The following APOBEC3G variants were observed in gnomAD, a reference collection of about 807,000 sequenced individuals.
The protein encoded by APOBEC3G is apolipoprotein B mRNA editing enzyme catalytic subunit 3G.
A neutral mutation model predicts 50.0 loss-of-function variants in APOBEC3G; 44 were observed. That is an observed-to-expected ratio of 0.88 (90% confidence interval 0.69 to 1.13). The LOEUF (loss-of-function observed/expected upper bound fraction) is 1.13, where lower values mean the gene tolerates loss of function less well. APOBEC3G is among the 50% of genes most tolerant of loss of function. The pLI is 0.00. For synonymous variants in APOBEC3G, 156 were observed against 175.3 expected (o/e 0.89, Z 0.87); for missense variants, 469 against 492.0 (o/e 0.95, Z 0.44).
rs111352972 is a variant in APOBEC3G, at chr22:39,080,106, C to G, written c.172-827C>G. On this transcript the variant is annotated intron_variant, in intron 2 of 7. Coordinates refer to ENST00000407997, the MANE Select transcript of APOBEC3G (RefSeq NM_021822.4). The stretch of plus-strand genomic sequence containing the variant: ...GTGCCCAGGTCTCTAATCAGAGCCC[C>G]ATTTCAAGTACTCAGTAGTCCCTTG... 5.1e-4 allele frequency: 108 copies of G among 213,502 alleles called. 1 individual carries two copies. The highest frequency in any genetic ancestry group is 2.2e-3 in the African/African-American group (94 of 42,348). 13.2% of individuals were successfully genotyped at this position (213,502 alleles called of 1,614,324 possible).
At chr22:39,084,767 G>T (rs1460719940) in intron 5 of APOBEC3G, among the ~76,000 whole-genome samples, 3 of 152,206 alleles carry the variant, frequency 2.0e-5, no homozygotes, top group African/African-American at 7.2e-5. Flanking sequence ...GCCAGAACAG[G>T]CCCCAAGTCA....
chr22:39,086,144 G>C, intron 5 of APOBEC3G, 135 bp from the exon 6 acceptor site: 1 of 1,030,948 alleles, frequency 9.7e-7, no homozygotes, highest in Non-Finnish European at 1.4e-6. Flanking sequence ...TTTTCTACTA[G>C]AAATACAAAA....
At chr22:39,079,502 T>C (rs926269308) in intron 2 of APOBEC3G, 1 of 168,500 alleles carries the variant, frequency 5.9e-6, no homozygotes, top group Non-Finnish European at 1.3e-5. Context: ...TTTGTATTTT[T>C]AGTACAGATG....
At chr22:39,087,323 A>T in intron 7 of APOBEC3G, 84 bp from the exon 8 acceptor site, 1 of 1,605,434 alleles carries the variant, frequency 6.2e-7, no homozygotes, top group Non-Finnish European at 8.5e-7. Context: ...CTCTCCGATC[A>T]TTGTCACTGT....
rs924919246 is a variant in APOBEC3G at position 39,086,668 on chromosome 22, G to A, written c.1024+101G>A. 8.2e-6 allele frequency: 12 copies of A among 1,458,334 alleles called. No individual in the cohort carries two copies. In the African/African-American group the frequency reaches 1.1e-4, roughly 14 times the overall value. The allele number at this position is 1,458,334 out of a possible 1,614,324, so 90.3% of individuals were successfully genotyped here. ...GAGGGTCGGCATCCCTGTGGGAAAGGCCTTGATCCTCTGCCTGCAGAGGCG... is the reference window on the plus strand; with the variant it reads ...GAGGGTCGGCATCCCTGTGGGAAAGACCTTGATCCTCTGCCTGCAGAGGCG... On this transcript the variant is annotated intron_variant, in intron 6 of 7. Transcript: ENST00000407997.
chr22:39,078,636 G>C, intron 1 of APOBEC3G: 1 of 340,724 alleles, frequency 2.9e-6, no homozygotes, highest in Non-Finnish European at 5.3e-6. Flanking sequence ...ATAATATACA[G>C]AGGTGAAATG....
chr22:39,081,361 T>C (rs915073619), intron 3 of APOBEC3G, 110 bp from the exon 4 acceptor site: 1 of 1,534,330 alleles, frequency 6.5e-7, no homozygotes, highest in Non-Finnish European at 8.9e-7. Context: ...TGGGGTTGGG[T>C]CTGGCGCTGA....
At chr22:39,083,612 G>A (rs17496032) in intron 4 of APOBEC3G, 119 bp from the exon 5 acceptor site, 27,924 of 1,228,506 alleles carry the variant, frequency 0.023, 414 homozygotes, top group Non-Finnish European at 0.028. Flanking sequence ...GCTAAGGGAT[G>A]TGGGGAGCCG....
intron 5 of APOBEC3G, among the ~76,000 whole-genome samples, chr22:39,085,719 T>C (rs1477439621): frequency 6.6e-6 from 1 of 151,596 alleles, no homozygotes; most frequent in African/African-American, 2.4e-5. Context: ...AAACCCCGTC[T>C]CTACTGAAAA....
chr22:39,080,728 C>T, intron 2 of APOBEC3G: 5 of 581,076 alleles, frequency 8.6e-6, no homozygotes, highest in Non-Finnish European at 1.5e-5. Context: ...TAGGTGCCAC[C>T]TCTTAAGGCC....
rs1282702759 is a variant in APOBEC3G at position 39,080,923 on chromosome 22, C to T, written c.172-10C>T. 6.2e-7 allele frequency: 1 copy of T among 1,602,606 alleles called. No individual in the cohort carries two copies. The highest frequency in any genetic ancestry group is 8.5e-7 in the Non-Finnish European group (1 of 1,172,950). On this transcript the variant is annotated splice_polypyrimidine_tract_variant and intron_variant, in intron 2 of 7. Coordinates refer to ENST00000407997, the MANE Select transcript of APOBEC3G (RefSeq NM_021822.4). Reference sequence around the variant, plus strand: ...TCTCAGAGCTTGCCCTGACCCTGCTCCTCTCCCAGGTGTATTCCGAACTTA... The same window carrying T: ...TCTCAGAGCTTGCCCTGACCCTGCTTCTCTCCCAGGTGTATTCCGAACTTA...
At position 39,077,351 on chromosome 22, in the gene APOBEC3G, G is replaced by A; in HGVS notation, c.-11G>A. The A allele has an allele frequency of 6.3e-7, 1 of 1,577,094 alleles. No individual in the cohort carries two copies. Among genetic ancestry groups the A allele is most frequent in the South Asian group, 1.2e-5 (1 of 86,240 alleles). The stretch of plus-strand genomic sequence containing the variant: ...CAGACAAAGATCTTAGTCGGGACTA[G>A]CCGGCCAAGGATGAAGCCTCACTTC... On this transcript the variant is annotated 5_prime_UTR_variant, in exon 1 of 8. Coordinates refer to ENST00000407997, the MANE Select transcript of APOBEC3G (RefSeq NM_021822.4).
rs866803634 is a variant in APOBEC3G, at chr22:39,079,442, C to A, written c.171+357C>A. 3 of 189,074 alleles carry A rather than the reference C, an allele frequency of 1.6e-5. No homozygotes were observed. In the South Asian group the frequency reaches 3.3e-4, roughly 21 times the overall value. 11.7% of individuals were successfully genotyped at this position (189,074 alleles called of 1,614,324 possible). On this transcript the variant is annotated intron_variant, in intron 2 of 7. Transcript: ENST00000407997. The stretch of plus-strand genomic sequence containing the variant: ...AAGCGATGCTGTCGCCTCAGACTCG[C>A]AAGTAGCTGCGATTACAGGTGCCCA...
intron 4 of APOBEC3G, chr22:39,083,093 C>T (rs1229055922): frequency 6.6e-6 from 1 of 152,338 alleles, no homozygotes; most frequent in Non-Finnish European, 1.5e-5. Context: ...ATCCTCCCCT[C>T]TGTCCACTCC....
intron 6 of APOBEC3G, 111 bp downstream of exon 6, chr22:39,086,678 TCTGC>T: frequency 7.0e-7 from 1 of 1,426,158 alleles, no homozygotes; most frequent in Non-Finnish European, 9.5e-7. Context: ...GCCTTGATCC[TCTGC>T]CTGCAGAGGC....
At chr22:39,080,307 C>A (rs910707840) in intron 2 of APOBEC3G, 5 of 507,188 alleles carry the variant, frequency 9.9e-6, no homozygotes, top group Non-Finnish European at 1.3e-5. Flanking sequence ...ATGAACAGGG[C>A]TGGGAAAACT....
chr22:39,082,527 G>C (rs1159872790), intron 4 of APOBEC3G: 3 of 152,500 alleles, frequency 2.0e-5, no homozygotes, highest in African/African-American at 7.2e-5. Context: ...GGAAGGCTGA[G>C]GCAGGAGAAT....
At position 39,077,387 on chromosome 22, in the gene APOBEC3G, G is replaced by T; in HGVS notation, c.17+9G>T. On this transcript the variant is annotated intron_variant, in intron 1 of 7. Coordinates refer to ENST00000407997, the MANE Select transcript of APOBEC3G (RefSeq NM_021822.4). ...ATGAAGCCTCACTTCAGGTACCGCT[G>T]CCCGCTCTACCCACTGGGCCCCTCT... is the stretch of plus-strand genomic sequence containing the variant. The T allele has an allele frequency of 6.3e-7, 1 of 1,581,746 alleles. No homozygotes were observed. Among genetic ancestry groups the T allele is most frequent in the South Asian group, 1.2e-5 (1 of 86,706 alleles).
chr22:39,081,411 C>G, intron 3 of APOBEC3G, 60 bp from the exon 4 acceptor site: 1 of 1,565,488 alleles, frequency 6.4e-7, no homozygotes, highest in Non-Finnish European at 8.8e-7. Flanking sequence ...AGGGGAGGGT[C>G]CCGAGGTCAC....
Sources: allele counts gnomAD v4.1 joint callset (sites outside exome capture counted in the v4.1 genomes callset), GRCh38; gene constraint gnomAD v4.1.1; transcripts MANE v1.5; gene names NCBI Gene and HGNC (gene_info 2026-07-23, HGNC 2026-07-21).